Variants in SLC12A7 observed in about 807,000 individuals in gnomAD.
SLC12A7 encodes the protein K-Cl cotransporter 4.
SLC12A7 carries 100 observed loss-of-function variants against 120.6 expected under a neutral mutation model. That is an observed-to-expected ratio of 0.83 (90% CI 0.71 to 0.98). The LOEUF (loss-of-function observed/expected upper bound fraction) is 0.98, where lower values mean the gene tolerates loss of function less well. Ranked by LOEUF, SLC12A7 falls within the 50% of genes least tolerant of loss-of-function variation. The probability of loss-of-function intolerance (pLI) is 0.00; values close to 1 mark genes in which losing one functional copy is unlikely to be tolerated. For missense variants in SLC12A7, 1,373 were observed against 1,548.1 expected (o/e 0.89, Z 1.90); for synonymous variants, 760 against 678.0 (o/e 1.12, Z -1.88).
At chr5:1,090,823 C>T (rs1216752596) in intron 3 of SLC12A7, among the ~76,000 whole-genome samples, 4 of 152,226 alleles carry the variant, frequency 2.6e-5, no homozygotes, top group Non-Finnish European at 5.9e-5. Context: ...TCTTGGTTCG[C>T]GCCTAAAGGC....
chr5:1,076,063 G>A (rs1738295634), intron 14 of SLC12A7, 75 bp downstream of exon 14: 4 of 1,267,972 alleles, frequency 3.2e-6, no homozygotes, highest in Middle Eastern at 2.1e-4. Flanking sequence ...CCTGTGCTGA[G>A]CGGCCTCACC....
intron 18 of SLC12A7, among the ~76,000 whole-genome samples, chr5:1,064,805 G>A (rs1321865076): frequency 1.4e-5 from 2 of 146,606 alleles, no homozygotes; most frequent in African/African-American, 2.5e-5. Context: ...AGGAGACGGC[G>A]AGGGGACAGT....
At chr5:1,150,741 T>A in the SLC12A7 span, among the ~76,000 whole-genome samples, 30 of 152,340 alleles carry the variant, frequency 2.0e-4, no homozygotes, top group African/African-American at 7.2e-4. Context: ...AGGCAGCTCA[T>A]GGATGAACAC....
intron 1 of SLC12A7, among the ~76,000 whole-genome samples, chr5:1,099,608 C>T (rs181185892): frequency 1.1e-3 from 174 of 152,298 alleles, no homozygotes; most frequent in Non-Finnish European, 1.7e-3. Context: ...TCCCTCCTCC[C>T]GAAGACGAAC....
chr5:1,086,924 C>G lies in SLC12A7; in HGVS notation c.654G>C (p.Leu218Phe). Residue 218 changes from leucine to phenylalanine, a missense_variant, in exon 6 of 24, where the codon TTG becomes TTC. Physicochemically the swap from Leu to Phe is conservative, Grantham distance 22. Transcript: ENST00000264930. ...GTTFAGAMYI[L>F]GTIEIFLTYI... ...TTACCAGAAAAATCTCGATGGTCCC[C>G]AAAATATACATGGCCCCTGCAAACG... 6.2e-7 allele frequency: 1 copy of G among 1,612,860 alleles called. No homozygotes were observed. The highest frequency in any genetic ancestry group is 1.1e-5 in the South Asian group (1 of 91,080).
At position 1,085,459 on chromosome 5, in the gene SLC12A7, C is replaced by T. The variant is rs370264608; in HGVS notation, c.690G>A (p.Pro230=). ...CCTCCGCCTGGAAGATGGCCGCACC[C>T]GGGGAGATGTACGTCTGTGGGAACA... ...TIEIFLTYIS[P]GAAIFQAEAA... Residue 230 remains proline, a synonymous_variant, in exon 7 of 24, where the codon CCG becomes CCA. Transcript: ENST00000264930. 2.4e-5 allele frequency: 39 copies of T among 1,606,746 alleles called. No homozygotes were observed. Among genetic ancestry groups the T allele is most frequent in the South Asian group, 1.0e-4 (9 of 90,004 alleles).
rs376924487 is a variant in SLC12A7, at chr5:1,053,469, C to T, written c.3040G>A (p.Val1014Ile). Residue 1014 changes from valine (V) to isoleucine (I), a missense_variant, in exon 23 of 24, where the codon GTC becomes ATC. Physicochemically the swap from Val to Ile is conservative, Grantham distance 29 (BLOSUM62 3). Coordinates refer to ENST00000264930, the MANE Select transcript of SLC12A7 (RefSeq NM_006598.3). ...LFSMKPDQSNVRRMHTAVKLN... is the reference protein window; with the variant it reads ...LFSMKPDQSNIRRMHTAVKLN... ...TTCACAGCCGTGTGCATCCGCCTGACGTTGGACTGGTCCCTGCAGGGGAGG... is the reference window on the plus strand; with the variant it reads ...TTCACAGCCGTGTGCATCCGCCTGATGTTGGACTGGTCCCTGCAGGGGAGG... 92 of 1,613,600 alleles carry T rather than the reference C, an allele frequency of 5.7e-5. No individual in the cohort carries two copies. The highest frequency in any genetic ancestry group is 6.4e-5 in the Non-Finnish European group (76 of 1,179,982).
At position 1,073,774 on chromosome 5, in the gene SLC12A7, C is replaced by T. The variant is rs147944984; in HGVS notation, c.2100G>A (p.Leu700=). 5.5e-6 allele frequency: 8 copies of T among 1,463,404 alleles called. No individual in the cohort carries two copies. In the African/African-American group the frequency reaches 1.0e-4, roughly 19 times the overall value. 90.7% of individuals were successfully genotyped at this position (1,463,404 alleles called of 1,614,324 possible). ...WRPQVLVMLN[L]DAEQAVKHPR... Reference sequence around the variant, plus strand: ...GGTGCTTCACGGCCTGCTCCGCGTCCAGGTTCAGCATCACCAGCACCTGGG... The same window carrying T: ...GGTGCTTCACGGCCTGCTCCGCGTCTAGGTTCAGCATCACCAGCACCTGGG... Residue 700 remains leucine (L), a synonymous_variant, in exon 17 of 24, where the codon CTG becomes CTA. Transcript: ENST00000264930.
chr5:1,066,280 C>G (rs1737045259), intron 17 of SLC12A7, among the ~76,000 whole-genome samples: 1 of 152,214 alleles, frequency 6.6e-6, no homozygotes, highest in South Asian at 2.1e-4. Context: ...CTCACTTGCA[C>G]ATCTACAGAC....
Position 1,082,995 on chromosome 5 carries a change from C to CA in SLC12A7, c.1129+749_1129+750insT, listed in dbSNP as rs1739377032. On this transcript the variant is annotated intron_variant, in intron 8 of 23. Transcript: ENST00000264930. ...TTCCTCTCTAGGGTTCTGGAAAGTC[C>CA]GGGCTTCCCATCTCAGGTTCTGGAA... 1.5e-5 allele frequency among the ~76,000 whole-genome samples: 2 copies of CA among 133,066 alleles called. 1 individual carries two copies. The highest frequency in any genetic ancestry group is 1.5e-4 in the Admixed American group (2 of 13,156). The allele number at this position is 133,066 out of a possible 152,430, so 87.3% of individuals were successfully genotyped here.
In SLC12A7 at chr5:1,076,287, C is replaced by A. The variant is rs763941478; in HGVS notation, c.1749-51G>T. 38 of 1,477,238 alleles carry A rather than the reference C, an allele frequency of 2.6e-5. 1 individual carries two copies. The South Asian group carries it at 4.2e-4, about 16-fold the overall frequency. The allele number at this position is 1,477,238 out of a possible 1,614,324, so 91.5% of individuals were successfully genotyped here. A position where few individuals can be genotyped will look rare whatever the true frequency, so the allele number is the denominator to read the frequency against. On this transcript the variant is annotated intron_variant, in intron 13 of 23. Transcript: ENST00000264930. ...CGGGCCCACTGGGCCCCCCTGAGCC[C>A]CCAGTCACTGCCACCTGGGAGACCA...
At chr5:1,085,176 A>G (rs1579390290) in intron 7 of SLC12A7, 56 bp downstream of exon 7, 1 of 1,587,194 alleles carries the variant, frequency 6.3e-7, no homozygotes, top group Non-Finnish European at 8.6e-7. Context: ...GGCAGAGCCC[A>G]TGGGACCTGG....
chr5:1,093,691 C>T (rs1328383458), intron 2 of SLC12A7, 36 bp from the exon 3 acceptor site: 2 of 1,606,910 alleles, frequency 1.2e-6, no homozygotes, highest in African/African-American at 1.3e-5. Flanking sequence ...GCGGCCCGCA[C>T]CTCGCCGTGG....
At chr5:1,155,220 C>T in the SLC12A7 span, among the ~76,000 whole-genome samples, 3 of 152,092 alleles carry the variant, frequency 2.0e-5, no homozygotes, top group Non-Finnish European at 2.9e-5. Flanking sequence ...CCGGGCCAGA[C>T]CCCTGCCACC....
upstream of SLC12A7, among the ~76,000 whole-genome samples, chr5:1,116,660 C>T (rs1370740253): frequency 6.6e-6 from 1 of 152,228 alleles, no homozygotes; most frequent in African/African-American, 2.4e-5. Flanking sequence ...TTTTAGACCA[C>T]GTGTGTGGCT....
chr5:1,098,905 T>C (rs1375761427), intron 1 of SLC12A7, among the ~76,000 whole-genome samples: 1 of 151,854 alleles, frequency 6.6e-6, no homozygotes, highest in Admixed American at 6.6e-5. Flanking sequence ...GAGCCCTGCC[T>C]GTGTTTTGGG....
intron 22 of SLC12A7, among the ~76,000 whole-genome samples, chr5:1,054,503 A>T (rs1735398879): frequency 6.6e-6 from 1 of 152,096 alleles, no homozygotes; most frequent in South Asian, 2.1e-4. Flanking sequence ...CACCTGGGGA[A>T]ACGCTGGGCG....
intron 1 of SLC12A7, among the ~76,000 whole-genome samples, chr5:1,098,088 C>G (rs1741487475): frequency 6.7e-6 from 1 of 149,028 alleles, no homozygotes; most frequent in Non-Finnish European, 1.5e-5. Flanking sequence ...CCAGCCGCCC[C>G]CTCCAACCCT....
At chr5:1,153,203 G>A in the SLC12A7 span, among the ~76,000 whole-genome samples, 2 of 152,196 alleles carry the variant, frequency 1.3e-5, no homozygotes, top group Non-Finnish European at 2.9e-5. Flanking sequence ...GTGGGAGGAG[G>A]GACGGGCTTG....
Sources: gnomAD v4.1 joint callset for allele counts (sites outside exome capture counted in the v4.1 genomes callset) on GRCh38, gnomAD v4.1.1 for gene constraint, MANE v1.5 for transcripts, NCBI Gene and HGNC (gene_info 2026-07-23, HGNC 2026-07-21) for gene names.